The following AFF3 variants were observed in gnomAD, a reference collection of about 807,000 sequenced individuals.
The protein encoded by AFF3 is ALF transcription elongation factor 3.
Under a neutral mutation model 129.7 loss-of-function variants are expected in AFF3, and 32 were observed. That is an observed-to-expected ratio of 0.25 (90% CI 0.19 to 0.33). The LOEUF is 0.33. AFF3 is among the 10% of genes least tolerant of loss of function. The pLI is 1.00. For synonymous variants in AFF3, 644 were observed against 635.4 expected (o/e 1.01, Z -0.20); for missense variants, 1,373 against 1,592.0 (o/e 0.86, Z 2.34).
rs76807263 is a variant in AFF3 at position 99,601,292 on chromosome 2, T to C, written c.1371+143A>G. 4.1e-3 allele frequency: 4,127 copies of C among 1,011,906 alleles called. 106 individuals are homozygous for C. In the African/African-American group the frequency reaches 0.056, roughly 14 times the overall value. 62.7% of individuals were successfully genotyped at this position (1,011,906 alleles called of 1,614,324 possible). Reference sequence around the variant, plus strand: ...GGGAAAATGTGGAGCCCGAAGCCCATAGCCTCCTCCTTCCCAGCACCTGGC... The same window carrying C: ...GGGAAAATGTGGAGCCCGAAGCCCACAGCCTCCTCCTTCCCAGCACCTGGC... On this transcript the variant is annotated intron_variant, in intron 14 of 24. Transcript: ENST00000672756.
chr2:99,949,174 C>T (rs1357736173), intron 7 of AFF3, among the ~76,000 whole-genome samples: 2 of 152,170 alleles, frequency 1.3e-5, no homozygotes, highest in Admixed American at 1.3e-4. Context: ...ATATTACCAA[C>T]CCAATGGGGC....
intron 4 of AFF3, among the ~76,000 whole-genome samples, chr2:100,013,886 T>C (rs1682763594): frequency 6.6e-6 from 1 of 152,146 alleles, no homozygotes; most frequent in Non-Finnish European, 1.5e-5. Flanking sequence ...GATTCTAAAG[T>C]TGCCCAGCGA....
chr2:99,618,699 G>A lies in AFF3; in HGVS notation c.1185-17078C>T, dbSNP rs182772687. ...ATTATTAACTCACATTACCCATCTG[G>A]TCATTTTGCAGAATTATAAATGTTT... On this transcript the variant is annotated intron_variant, in intron 13 of 24. Transcript: ENST00000672756. 2.8e-3 allele frequency among the ~76,000 whole-genome samples: 420 copies of A among 152,192 alleles called. 1 individual carries two copies. Among genetic ancestry groups the A allele is most frequent in the Non-Finnish European group, 4.9e-3 (330 of 68,012 alleles).
In AFF3 at chr2:100,026,720, T is replaced by TAC. The variant is rs1053038731; in HGVS notation, c.54-17789_54-17788insGT. 3.4e-5 allele frequency among the ~76,000 whole-genome samples: 5 copies of TAC among 147,586 alleles called. No individual in the cohort carries two copies. The Admixed American group carries it at 3.4e-4, about 10-fold the overall frequency. On this transcript the variant is annotated intron_variant, in intron 4 of 24. Coordinates refer to ENST00000672756, the MANE Select transcript of AFF3 (RefSeq NM_001386135.1). ...ATATAAATAAATATATATATAAATATATATATATATAATGGAATACTACTC... is the reference window on the plus strand; with the variant it reads ...ATATAAATAAATATATATATAAATATACATATATATATAATGGAATACTACTC...
chr2:100,008,777 T>C, intron 5 of AFF3, 35 bp downstream of exon 5: 1 of 1,604,550 alleles, frequency 6.2e-7, no homozygotes. Context: ...GAGAAACAAG[T>C]GAGAGGTAGA....
chr2:99,785,354 T>C (rs1336624948), intron 8 of AFF3, among the ~76,000 whole-genome samples: 1 of 152,170 alleles, frequency 6.6e-6, no homozygotes. Flanking sequence ...TTTAAAGTAA[T>C]AGCACAGAAG....
At chr2:99,884,914 T>A (rs980091854) in intron 7 of AFF3, among the ~76,000 whole-genome samples, 19 of 152,154 alleles carry the variant, frequency 1.2e-4, no homozygotes, top group African/African-American at 4.6e-4. Flanking sequence ...ACTGGAACCA[T>A]CCATTTGTAT....
chr2:100,017,933 T>G (rs1477727491), intron 4 of AFF3, among the ~76,000 whole-genome samples: 1 of 152,136 alleles, frequency 6.6e-6, no homozygotes, highest in African/African-American at 2.4e-5. Flanking sequence ...TAGTAAATGC[T>G]AGGCAAAAGG....
chr2:99,996,527 ATTTTTTTTTTTTTTT>A (rs756231548), intron 7 of AFF3, among the ~76,000 whole-genome samples: 17 of 114,076 alleles, frequency 1.5e-4, no homozygotes, highest in African/African-American at 6.7e-4. Context: ...CGCCCGGCTA[ATTTTTTTTTTTTTTT>A]TTTTTTTTTT....
intron 4 of AFF3, among the ~76,000 whole-genome samples, chr2:100,053,487 ATAATAAT>A (rs1686520191): frequency 6.6e-6 from 1 of 152,244 alleles, no homozygotes. Context: ...TGGAATGGGG[ATAATAAT>A]GTGTAGCTTG....
chr2:99,750,430 T>C (rs1681546554), intron 9 of AFF3, among the ~76,000 whole-genome samples: 1 of 150,008 alleles, frequency 6.7e-6, no homozygotes. Flanking sequence ...TTTTTTTTTT[T>C]TTGAGACAGC....
chr2:100,054,911 C>G (rs1045751499), intron 4 of AFF3, among the ~76,000 whole-genome samples: 3 of 152,294 alleles, frequency 2.0e-5, no homozygotes, highest in East Asian at 3.9e-4. Context: ...AAAGCTGAAC[C>G]AGCCACATTC....
At chr2:99,941,891 A>G (rs771796434) in intron 7 of AFF3, among the ~76,000 whole-genome samples, 2 of 152,228 alleles carry the variant, frequency 1.3e-5, no homozygotes, top group Non-Finnish European at 2.9e-5. Flanking sequence ...GCCTACCTCT[A>G]TACTTCATGG....
intron 5 of AFF3, chr2:100,007,680 G>C (rs992123788): frequency 1.9e-5 from 11 of 574,334 alleles, no homozygotes; most frequent in Non-Finnish European, 1.2e-5. Flanking sequence ...CATAAAAAGG[G>C]ATCTATCCGG....
intron 4 of AFF3, among the ~76,000 whole-genome samples, chr2:100,084,381 C>T (rs1469098114): frequency 6.6e-6 from 1 of 152,208 alleles, no homozygotes; most frequent in African/African-American, 2.4e-5. Context: ...CCACTATTCA[C>T]AATAGACAAA....
chr2:100,031,196 A>T (rs961603519), intron 4 of AFF3, among the ~76,000 whole-genome samples: 3 of 152,204 alleles, frequency 2.0e-5, no homozygotes, highest in Admixed American at 6.5e-5. Flanking sequence ...TTCCCGATGG[A>T]AGTACAGGAT....
Position 99,837,495 on chromosome 2 carries a change from A to G in AFF3, c.903T>C (p.Cys301=), listed in dbSNP as rs765638314. The stretch of plus-strand genomic sequence containing the variant: ...ATCTTACCCGGATTATTTCTTCAAC[A>G]CAGCTGTTGGTTTCTCCAGATCTAC... ...EESRSGETNS[C]VEEIIREMTW... The change falls in exon 8 of 25, where the codon TGT becomes TGC. Residue 301 remains cysteine (C), a synonymous_variant. Transcript: ENST00000672756. The G allele has an allele frequency of 2.9e-5, 46 of 1,613,750 alleles. No homozygotes were observed. The highest frequency in any genetic ancestry group is 3.9e-5 in the Non-Finnish European group (46 of 1,179,908).
intron 2 of AFF3, among the ~76,000 whole-genome samples, chr2:100,123,104 A>G (rs935065223): frequency 3.3e-5 from 5 of 152,176 alleles, no homozygotes; most frequent in Non-Finnish European, 7.3e-5. Context: ...TGAGAAGAAA[A>G]CCTTAGAAGT....
chr2:99,797,559 C>A (rs765636842), intron 8 of AFF3, among the ~76,000 whole-genome samples: 1 of 151,910 alleles, frequency 6.6e-6, no homozygotes, highest in Non-Finnish European at 1.5e-5. Flanking sequence ...AAACATAAAT[C>A]TACAGATGTA....
Sources: gnomAD v4.1 joint callset for allele counts (sites outside exome capture counted in the v4.1 genomes callset) on GRCh38, gnomAD v4.1.1 for gene constraint, MANE v1.5 for transcripts, NCBI Gene and HGNC (gene_info 2026-07-23, HGNC 2026-07-21) for gene names.